The following DAB1 variants were observed in gnomAD, a reference collection of about 807,000 sequenced individuals.
DAB1 encodes DAB adaptor protein 1.
In DAB1, 15 loss-of-function variants were observed where a neutral mutation model predicts 64.6. That is an observed-to-expected ratio of 0.23 (90% CI 0.16 to 0.36). DAB1 has a LOEUF of 0.36. DAB1 is among the 10% of genes least tolerant of loss of function. The probability of loss-of-function intolerance (pLI) is 1.00; values close to 1 mark genes in which losing one functional copy is unlikely to be tolerated. For synonymous variants in DAB1, 235 were observed against 251.9 expected, an observed-to-expected ratio of 0.93 and a Z score of 0.64; for missense variants, 596 against 706.7, an observed-to-expected ratio of 0.84 and a Z score of 1.78.
At chr1:57,506,219 A>G (rs1317983636) in intron 7 of DAB1, among the ~76,000 whole-genome samples, 1 of 152,090 alleles carries the variant, frequency 6.6e-6, no homozygotes, top group Non-Finnish European at 1.5e-5. Context: ...GGAAAGGGGA[A>G]CTTTTTTTTT....
intron 3 of DAB1, among the ~76,000 whole-genome samples, chr1:58,417,825 C>T (rs1644735273): frequency 6.6e-6 from 1 of 152,198 alleles, no homozygotes; most frequent in Admixed American, 6.5e-5. Context: ...CTGACACTGA[C>T]ACACTGCACC....
At chr1:57,763,702 G>A (rs1434283469) in intron 6 of DAB1, among the ~76,000 whole-genome samples, 1 of 152,056 alleles carries the variant, frequency 6.6e-6, no homozygotes, top group Non-Finnish European at 1.5e-5. Context: ...TTAATTGCAG[G>A]CCACACCAAA....
chr1:58,151,940 A>G (rs1557673095), intron 4 of DAB1, among the ~76,000 whole-genome samples: 2 of 152,234 alleles, frequency 1.3e-5, no homozygotes, highest in African/African-American at 4.8e-5. Flanking sequence ...AAGAACAAGT[A>G]GGTCTTTATC....
intron 5 of DAB1, among the ~76,000 whole-genome samples, chr1:57,937,661 A>G (rs916353848): frequency 6.6e-6 from 1 of 152,208 alleles, no homozygotes; most frequent in African/African-American, 2.4e-5. Context: ...TCTGGGCAAA[A>G]TAGCATCCCC....
At chr1:57,420,327 C>A (rs1439904899) in intron 1 of DAB1, among the ~76,000 whole-genome samples, 1 of 152,204 alleles carries the variant, frequency 6.6e-6, no homozygotes, top group Non-Finnish European at 1.5e-5. Context: ...GGTTTAAATC[C>A]TAGTTCCATC....
chr1:57,787,704 G>A (rs1445148893), intron 6 of DAB1, among the ~76,000 whole-genome samples: 4 of 151,928 alleles, frequency 2.6e-5, no homozygotes, highest in South Asian at 4.2e-4. Context: ...CTTTTCAAAA[G>A]AAACTATTAA....
intron 14 of DAB1, among the ~76,000 whole-genome samples, chr1:57,000,516 A>G (rs780550738): frequency 1.3e-5 from 2 of 152,206 alleles, no homozygotes; most frequent in Non-Finnish European, 2.9e-5. Context: ...AGCAAAATCT[A>G]TAGTAAGATT....
chr1:58,458,301 A>T (rs565789776), intron 3 of DAB1, among the ~76,000 whole-genome samples: 1 of 152,336 alleles, frequency 6.6e-6, no homozygotes, highest in South Asian at 2.1e-4. Context: ...GTCTAGTGAG[A>T]CAGGCAGACA....
intron 1 of DAB1, among the ~76,000 whole-genome samples, chr1:57,856,342 A>T (rs1653755599): frequency 6.6e-6 from 1 of 152,204 alleles, no homozygotes; most frequent in African/African-American, 2.4e-5. Context: ...CCCTGTATAG[A>T]TCTGCTCCCT....
chr1:57,998,925 T>A (rs1381028604), intron 5 of DAB1, among the ~76,000 whole-genome samples: 1 of 152,186 alleles, frequency 6.6e-6, no homozygotes, highest in Non-Finnish European at 1.5e-5. Context: ...GGATCTCAGG[T>A]GCAATGCTGG....
intron 5 of DAB1, among the ~76,000 whole-genome samples, chr1:57,892,182 G>A (rs187013766): frequency 1.2e-4 from 19 of 152,184 alleles, no homozygotes; most frequent in Non-Finnish European, 1.8e-4. Flanking sequence ...CATCCTTTTC[G>A]TAGTTTAGAG....
rs559123689 is a variant in DAB1 at position 57,622,240 on chromosome 1, G to A, written n.625+27352C>T. Among the ~76,000 whole-genome samples the A allele has an allele frequency of 2.0e-5, 3 of 152,236 alleles. No individual in the cohort carries two copies. In the East Asian group the frequency reaches 5.8e-4, roughly 29 times the overall value. On this transcript the variant is annotated intron_variant and non_coding_transcript_variant, in intron 7 of 20. Coordinates refer to the DAB1 transcript ENST00000485760. ...GGCAGGAGGAGAGACTCTTACTTCG[G>A]GTTTGGAATGAGATGAAGGGGACTG...
intron 7 of DAB1, among the ~76,000 whole-genome samples, chr1:57,645,549 C>A (rs1646182907): frequency 1.3e-5 from 2 of 152,172 alleles, no homozygotes; most frequent in Admixed American, 1.3e-4. Flanking sequence ...TAAGGGTTTA[C>A]AATGGTATAT....
intron 4 of DAB1, among the ~76,000 whole-genome samples, chr1:58,319,620 A>G (rs1662637685): frequency 6.6e-6 from 1 of 152,200 alleles, no homozygotes; most frequent in African/African-American, 2.4e-5. Context: ...GCTTGTGAGT[A>G]TTATATATTA....
At chr1:57,437,344 T>C (rs962354528) in intron 7 of DAB1, among the ~76,000 whole-genome samples, 1 of 152,080 alleles carries the variant, frequency 6.6e-6, no homozygotes. Flanking sequence ...CAGAAAAACC[T>C]CACAAGGGAA....
At chr1:57,398,536 C>T (rs1006765471) in intron 1 of DAB1, among the ~76,000 whole-genome samples, 1 of 152,214 alleles carries the variant, frequency 6.6e-6, no homozygotes, top group African/African-American at 2.4e-5. Context: ...GGGAACTTTG[C>T]TGAGAGACAG....
At chr1:58,437,736 C>G (rs1179516779) in intron 3 of DAB1, among the ~76,000 whole-genome samples, 2 of 152,222 alleles carry the variant, frequency 1.3e-5, no homozygotes, top group Non-Finnish European at 2.9e-5. Flanking sequence ...AAAAAAGATA[C>G]AAATGTTGTG....
chr1:57,206,968 C>CTTTTTTTTTTTTTTTTTTTTT (rs201111039), intron 2 of DAB1, among the ~76,000 whole-genome samples: 8 of 84,492 alleles, frequency 9.5e-5, no homozygotes, highest in Admixed American at 3.3e-4. Flanking sequence ...TCCTTCCTTC[C>CTTTTTTTTTTTTTTTTTTTTT]TTTTTTTTTT....
At chr1:57,426,859 A>ATAT (rs1685303539), upstream of DAB1, among the ~76,000 whole-genome samples, 1 of 122,792 alleles carries the variant, frequency 8.1e-6, no homozygotes, top group Non-Finnish European at 1.8e-5. Context: ...TAAATGAGAT[A>ATAT]ATATATATAT....
Sources: allele counts gnomAD v4.1 joint callset (sites outside exome capture counted in the v4.1 genomes callset), GRCh38; gene constraint gnomAD v4.1.1; transcripts MANE v1.5; gene names NCBI Gene and HGNC (gene_info 2026-07-23, HGNC 2026-07-21).